Variants in ZSCAN25 observed in about 807,000 individuals in gnomAD.
The protein encoded by ZSCAN25 is zinc finger and SCAN domain containing 25.
In ZSCAN25, 27 loss-of-function variants were observed where a neutral mutation model predicts 38.7. The observed-to-expected ratio is 0.70, with a 90% confidence interval of 0.51 to 0.96. The LOEUF (loss-of-function observed/expected upper bound fraction) is 0.96. ZSCAN25 is among the 40% of genes least tolerant of loss of function. The pLI, the probability that ZSCAN25 is intolerant of heterozygous loss-of-function variation, is 0.00. For synonymous variants in ZSCAN25, 273 were observed against 277.7 expected, an observed-to-expected ratio of 0.98 and a Z score of 0.17; for missense variants, 637 against 705.9, an observed-to-expected ratio of 0.90 and a Z score of 1.11.
rs766188653 is a variant in ZSCAN25 at position 99,629,155 on chromosome 7, C to A, written c.806-36C>A. 6.4e-7 allele frequency: 1 copy of A among 1,555,448 alleles called. No homozygotes were observed. The highest frequency in any genetic ancestry group is 8.7e-7 in the Non-Finnish European group (1 of 1,153,074). On this transcript the variant is annotated intron_variant, in intron 7 of 7. Transcript: ENST00000394152. The surrounding 1 kb of genome is among the most constrained non-coding windows in gnomAD (Gnocchi z 5.6). ...CTAACATGTAAATGTCCTGCGGCTA[C>A]CACAGAATCAATCTTTATCTCCTCC...
the ZSCAN25 span, chr7:99,730,829 G>C: frequency 4.3e-5 from 22 of 513,674 alleles, no homozygotes; most frequent in Admixed American, 9.6e-5. Flanking sequence ...ACATCAGATT[G>C]CTGGATCTAC....
At chr7:99,710,107 A>G in the ZSCAN25 span, among the ~76,000 whole-genome samples, 1 of 152,226 alleles carries the variant, frequency 6.6e-6, no homozygotes, top group Non-Finnish European at 1.5e-5. Flanking sequence ...ACTGCCACAC[A>G]AAGACCAGCC....
chr7:99,712,121 C>G, the ZSCAN25 span, among the ~76,000 whole-genome samples: 1 of 152,280 alleles, frequency 6.6e-6, no homozygotes, highest in Middle Eastern at 3.4e-3. Context: ...GATGGCCCAT[C>G]ACTGGTCTGT....
chr7:99,714,413 T>C, the ZSCAN25 span: 1 of 1,351,552 alleles, frequency 7.4e-7, no homozygotes, highest in Admixed American at 2.7e-5. Context: ...TCCTACCAAA[T>C]GAATTATCTT....
intron 7 of ZSCAN25, 136 bp downstream of exon 7, chr7:99,624,316 C>A: frequency 9.5e-7 from 1 of 1,050,102 alleles, no homozygotes; most frequent in Non-Finnish European, 1.4e-6. Flanking sequence ...CAGCACGGAC[C>A]ATGGGGCACG....
chr7:99,630,631 G>T lies in ZSCAN25; in HGVS notation c.*611G>T. On this transcript the variant is annotated 3_prime_UTR_variant, in exon 8 of 8. Coordinates refer to ENST00000394152, the MANE Select transcript of ZSCAN25 (RefSeq NM_145115.3). ...TTCCCATGACCACTCCTGCCCTCCT[G>T]CCCCGTGCTGGATCTTCCCTCCCCA... 1 of 985,722 alleles carries T rather than the reference G, an allele frequency of 1.0e-6. No homozygotes were observed. Among genetic ancestry groups the T allele is most frequent in the Non-Finnish European group, 1.2e-6 (1 of 830,214 alleles). The allele number at this position is 985,722 out of a possible 1,614,324, so 61.1% of individuals were successfully genotyped here.
chr7:99,624,400 T>TTTTTTTA, intron 7 of ZSCAN25: 2 of 576,746 alleles, frequency 3.5e-6, no homozygotes, highest in Admixed American at 3.0e-5. Flanking sequence ...ATTCTGGCTG[T>TTTTTTTA]ATGGAGACAG....
the ZSCAN25 span, among the ~76,000 whole-genome samples, chr7:99,730,276 A>G: frequency 6.6e-6 from 1 of 152,194 alleles, no homozygotes; most frequent in Non-Finnish European, 1.5e-5. Context: ...GTGATTTTGC[A>G]TGTGATTCTG....
chr7:99,661,785 C>A, the ZSCAN25 span, among the ~76,000 whole-genome samples: 2 of 152,120 alleles, frequency 1.3e-5, no homozygotes, highest in Non-Finnish European at 2.9e-5. Flanking sequence ...TACATTGAAC[C>A]CCATTATACT....
chr7:99,631,877 C>T lies in ZSCAN25; in HGVS notation c.*1857C>T. 3 of 985,496 alleles carry T rather than the reference C, an allele frequency of 3.0e-6. No individual in the cohort carries two copies. Among genetic ancestry groups the T allele is most frequent in the Non-Finnish European group, 3.6e-6 (3 of 830,014 alleles). 61.0% of individuals were successfully genotyped at this position (985,496 alleles called of 1,614,324 possible). A position where few individuals can be genotyped will look rare whatever the true frequency, so the allele number is the denominator to read the frequency against. On this transcript the variant is annotated 3_prime_UTR_variant, in exon 8 of 8. Transcript: ENST00000394152. ...GCTGCTCCTCTGTAATACTGAGGTC[C>T]ACATGCAAAATCAGCTTTTTTTCCC...
the ZSCAN25 span, among the ~76,000 whole-genome samples, chr7:99,669,923 C>G: frequency 6.4e-3 from 968 of 152,282 alleles, 5 homozygotes; most frequent in Non-Finnish European, 0.01. Context: ...CCACACAAAA[C>G]TCACATTTGA....
At chr7:99,692,682 C>T in the ZSCAN25 span, among the ~76,000 whole-genome samples, 9 of 152,146 alleles carry the variant, frequency 5.9e-5, no homozygotes, top group Middle Eastern at 0.02. Context: ...TACAGTTGAT[C>T]GAATCGGCTA....
chr7:99,619,411 T>C (rs1806737911), intron 3 of ZSCAN25, 150 bp from the exon 4 acceptor site: 3 of 616,960 alleles, frequency 4.9e-6, no homozygotes, highest in African/African-American at 1.8e-5. Flanking sequence ...ATGATTACTA[T>C]GTTGAATTGA....
At chr7:99,654,995 T>C in the ZSCAN25 span, among the ~76,000 whole-genome samples, 1 of 152,122 alleles carries the variant, frequency 6.6e-6, no homozygotes, top group Non-Finnish European at 1.5e-5. Flanking sequence ...GTCAGATGAG[T>C]AGGTTGCAAA....
At chr7:99,737,974 C>A in the ZSCAN25 span, among the ~76,000 whole-genome samples, 1 of 152,168 alleles carries the variant, frequency 6.6e-6, no homozygotes. Flanking sequence ...GAAGAACACC[C>A]AAGCAACACT....
Position 99,631,608 on chromosome 7 carries a change from T to G in ZSCAN25, c.*1588T>G, listed in dbSNP as rs1409495839. 2.0e-6 allele frequency: 2 copies of G among 985,278 alleles called. No homozygotes were observed. Among genetic ancestry groups the G allele is most frequent in the Admixed American group, 6.2e-5 (1 of 16,260 alleles). The allele number at this position is 985,278 out of a possible 1,614,324, so 61.0% of individuals were successfully genotyped here. On this transcript the variant is annotated 3_prime_UTR_variant, in exon 8 of 8. Coordinates refer to ENST00000394152, the MANE Select transcript of ZSCAN25 (RefSeq NM_145115.3). ...TCTGATGCCTCTTAATACCAGATTC[T>G]TTTACTGAGATTTTTTTTTTTCATT...
chr7:99,662,774 T>C, the ZSCAN25 span: 1 of 1,572,346 alleles, frequency 6.4e-7, no homozygotes, highest in African/African-American at 1.4e-5. The surrounding 1 kb of genome is among the most constrained non-coding windows in gnomAD (Gnocchi z 4.3). Flanking sequence ...CCCTCCCTCT[T>C]AGTGTCCCCG....
At chr7:99,696,309 C>T in the ZSCAN25 span, among the ~76,000 whole-genome samples, 1 of 151,694 alleles carries the variant, frequency 6.6e-6, no homozygotes. Context: ...CAGAGGGTCA[C>T]TGAGAGCCTA....
At chr7:99,713,457 C>T in the ZSCAN25 span, 1 of 1,613,322 alleles carries the variant, frequency 6.2e-7, no homozygotes, top group Non-Finnish European at 8.5e-7. Flanking sequence ...CTCAGAAGCA[C>T]TCTTTTGTTA....
Sources: gnomAD v4.1 joint callset for allele counts (sites outside exome capture counted in the v4.1 genomes callset) on GRCh38, gnomAD v4.1.1 for gene constraint, Gnocchi (gnomAD v3.1) non-coding constraint, MANE v1.5 for transcripts, NCBI Gene and HGNC (gene_info 2026-07-23, HGNC 2026-07-21) for gene names.